The following TAF3 variants were observed in gnomAD, a reference collection of about 807,000 sequenced individuals.
The protein encoded by TAF3 is TATA-box binding protein associated factor 3.
TAF3 carries 7 observed loss-of-function variants against 80.6 expected under a neutral mutation model. The observed-to-expected ratio is 0.09, with a 90% CI of 0.05 to 0.16. The LOEUF (loss-of-function observed/expected upper bound fraction) is 0.16, where lower values mean the gene tolerates loss of function less well. Ranked by LOEUF, TAF3 falls within the 10% of genes least tolerant of loss-of-function variation. The pLI is 1.00. For missense variants in TAF3, 921 were observed against 1,140.2 expected, an observed-to-expected ratio of 0.81 and a Z score of 2.77; for synonymous variants, 444 against 446.1, an observed-to-expected ratio of 1.00 and a Z score of 0.06.
Position 7,891,265 on chromosome 10 carries a change from T to C in TAF3, c.409+66705T>C, listed in dbSNP as rs148428507. Among the ~76,000 whole-genome samples, 564 of 152,356 alleles carry C rather than the reference T, an allele frequency of 3.7e-3. 4 individuals are homozygous for C. The highest frequency in any genetic ancestry group is 0.02 in the South Asian group (96 of 4,830). Reference sequence around the variant, plus strand: ...CTGAGTCTGTTTCAGCCTTCATCTTTTATTGATTTATTTGCTTTTACCTTG... The same window carrying C: ...CTGAGTCTGTTTCAGCCTTCATCTTCTATTGATTTATTTGCTTTTACCTTG... On this transcript the variant is annotated intron_variant, in intron 2 of 6. Transcript: ENST00000344293.
At chr10:7,918,867 G>A (rs926564104) in intron 2 of TAF3, among the ~76,000 whole-genome samples, 1 of 152,144 alleles carries the variant, frequency 6.6e-6, no homozygotes, top group South Asian at 2.1e-4. Context: ...AGGGATAGCA[G>A]GTGGAAGGAA....
At position 7,965,606 on chromosome 10, in the gene TAF3, A is replaced by G. The variant is rs1343037580; in HGVS notation, c.2096A>G (p.Lys699Arg). ...GAGGAGAAAGAGAAGGTGAAGGAGA[A>G]AGAAAAGAAAAAGGACAAAAAGGAG... is the stretch of plus-strand genomic sequence containing the variant. ...LFEEKEKVKE[K>R]EKKKDKKEKK... The change falls in exon 3 of 7, where the codon AAA becomes AGA. Residue 699 changes from lysine (K) to arginine (R), a missense_variant. Physicochemically the swap from Lys to Arg is conservative, Grantham distance 26. This residue lies in a region of TAF3 where 743 missense variants were observed against 821.0 expected (regional missense o/e 0.90). Transcript: ENST00000344293. 8.7e-6 allele frequency: 14 copies of G among 1,601,902 alleles called. No homozygotes were observed. The East Asian group carries it at 2.7e-4, about 31-fold the overall frequency.
intron 4 of TAF3, among the ~76,000 whole-genome samples, chr10:7,983,962 G>T (rs1298309154): frequency 6.6e-6 from 1 of 152,210 alleles, no homozygotes; most frequent in Non-Finnish European, 1.5e-5. Context: ...TTAAATGACT[G>T]TATTTAAAAT....
intron 2 of TAF3, among the ~76,000 whole-genome samples, chr10:7,888,984 A>G (rs1172524798): frequency 6.6e-6 from 1 of 152,246 alleles, no homozygotes; most frequent in Non-Finnish European, 1.5e-5. Context: ...ATAAGGATAC[A>G]TAGACAGGAT....
At chr10:7,950,397 G>A (rs1421388227) in intron 2 of TAF3, among the ~76,000 whole-genome samples, 3 of 151,896 alleles carry the variant, frequency 2.0e-5, no homozygotes, top group East Asian at 1.9e-4. Flanking sequence ...TGTGTGTCTC[G>A]AGCAGAAAGT....
At chr10:7,840,235 C>A (rs1189938565) in intron 2 of TAF3, among the ~76,000 whole-genome samples, 1 of 151,188 alleles carries the variant, frequency 6.6e-6, no homozygotes, top group African/African-American at 2.4e-5. Flanking sequence ...TCACTGCAAA[C>A]TCCACCTCAT....
In TAF3 at chr10:8,007,242, G is replaced by C. The variant is rs537889707; in HGVS notation, c.2316-1836G>C. On this transcript the variant is annotated intron_variant, in intron 4 of 6. Transcript: ENST00000344293. ...ATATAGATCTCTATGTGTCAGCATG[G>C]ATAAATCAGGAGACATAAAACTAAG... Among the ~76,000 whole-genome samples, 37 of 152,212 alleles carry C rather than the reference G, an allele frequency of 2.4e-4. No individual in the cohort carries two copies. The South Asian group carries it at 7.1e-3, about 29-fold the overall frequency.
chr10:8,014,787 C>T lies in TAF3; in HGVS notation c.*36C>T, dbSNP rs752348621. 24 of 1,534,512 alleles carry T rather than the reference C, an allele frequency of 1.6e-5. No individual in the cohort carries two copies. Among genetic ancestry groups the T allele is most frequent in the African/African-American group, 4.2e-5 (3 of 72,220 alleles). ...GGGGCTGGACCAAGCGGGGTCAGCCCGGGCTTCTTCCCTGGCGCCTCTGGA... is the reference window on the plus strand; with the variant it reads ...GGGGCTGGACCAAGCGGGGTCAGCCTGGGCTTCTTCCCTGGCGCCTCTGGA... On this transcript the variant is annotated 3_prime_UTR_variant, in exon 7 of 7. Transcript: ENST00000344293.
chr10:8,005,327 T>C (rs1831981338), intron 4 of TAF3, among the ~76,000 whole-genome samples: 2 of 152,252 alleles, frequency 1.3e-5, no homozygotes, highest in Admixed American at 6.5e-5. Context: ...TTTTTAAAGA[T>C]AATTATCTGT....
intron 2 of TAF3, among the ~76,000 whole-genome samples, chr10:7,950,996 A>G (rs903274991): frequency 6.6e-6 from 1 of 152,254 alleles, no homozygotes; most frequent in East Asian, 1.9e-4. Flanking sequence ...TGGGAGTTCA[A>G]TGTTAATGCA....
intron 4 of TAF3, among the ~76,000 whole-genome samples, chr10:7,991,051 C>CT (rs1564378861): frequency 1.3e-5 from 2 of 152,010 alleles, no homozygotes; most frequent in Admixed American, 6.6e-5. Context: ...CTTCTCTTTT[C>CT]TTTTTTTTCT....
intron 2 of TAF3, among the ~76,000 whole-genome samples, chr10:7,929,559 G>A (rs111348605): frequency 3.9e-5 from 6 of 151,988 alleles, no homozygotes; most frequent in African/African-American, 1.2e-4. Flanking sequence ...CACCACACCC[G>A]GCTAATTTTT....
At chr10:8,010,657 A>G (rs900917754) in intron 5 of TAF3, among the ~76,000 whole-genome samples, 1 of 152,262 alleles carries the variant, frequency 6.6e-6, no homozygotes, top group Non-Finnish European at 1.5e-5. Flanking sequence ...CTGTAATCCC[A>G]GCACTTTGGG....
In TAF3 at chr10:7,863,724, T is replaced by TATATATATACAC. The variant is rs1393940091; in HGVS notation, c.409+39174_409+39185dup. 1.6e-3 allele frequency among the ~76,000 whole-genome samples: 170 copies of TATATATATACAC among 105,440 alleles called. 19 individuals carry two copies. Among genetic ancestry groups the TATATATATACAC allele is most frequent in the African/African-American group, 6.0e-3 (159 of 26,658 alleles). The allele number at this position is 105,440 out of a possible 152,430, so 69.2% of individuals were successfully genotyped here. On this transcript the variant is annotated intron_variant, in intron 2 of 6. Transcript: ENST00000344293. ...ATATATACACATATATATATACACA[T>TATATATATACAC]ATATATATACACATATATATATACA...
At chr10:7,823,440 G>A (rs891737762) in intron 1 of TAF3, among the ~76,000 whole-genome samples, 1 of 151,264 alleles carries the variant, frequency 6.6e-6, no homozygotes, top group African/African-American at 2.4e-5. Context: ...AAACCAGCCT[G>A]AGCAACATAG....
intron 2 of TAF3, among the ~76,000 whole-genome samples, chr10:7,920,208 C>G (rs1837749130): frequency 6.6e-6 from 1 of 152,028 alleles, no homozygotes; most frequent in African/African-American, 2.4e-5. Flanking sequence ...GAGATGTGAT[C>G]ACACCACTGC....
intron 3 of TAF3, among the ~76,000 whole-genome samples, chr10:7,969,139 AAAACAAACAAAC>A (rs148750011): frequency 8.6e-5 from 13 of 150,824 alleles, no homozygotes; most frequent in Admixed American, 3.3e-4. Context: ...CTGTCTCTCC[AAAACAAACAAAC>A]AAACAAACAA....
intron 4 of TAF3, among the ~76,000 whole-genome samples, chr10:7,999,594 T>A (rs1178427575): frequency 2.0e-5 from 3 of 151,944 alleles, no homozygotes; most frequent in African/African-American, 7.3e-5. Context: ...GTAGCTGGGA[T>A]TATAAGTGGA....
At chr10:7,905,461 CT>C (rs911178137) in intron 2 of TAF3, among the ~76,000 whole-genome samples, 1 of 152,178 alleles carries the variant, frequency 6.6e-6, no homozygotes, top group African/African-American at 2.4e-5. Context: ...ACTTCATTCA[CT>C]TTTTTAGTTT....
Sources: gnomAD v4.1 joint callset for allele counts (sites outside exome capture counted in the v4.1 genomes callset) on GRCh38, gnomAD v4.1.1 for gene constraint, gnomAD v4.1.1 regional missense constraint, MANE v1.5 for transcripts, NCBI Gene and HGNC (gene_info 2026-07-23, HGNC 2026-07-21) for gene names.